The following ADK variants were observed in gnomAD, a reference collection of about 807,000 sequenced individuals.
The protein encoded by ADK is adenosine kinase.
In ADK, 24 loss-of-function variants were observed where a neutral mutation model predicts 44.7. The ratio of observed to expected loss-of-function variants is 0.54; its 90% CI spans 0.39 to 0.76. The LOEUF is 0.76. Ranked by LOEUF, ADK falls within the 30% of genes least tolerant of loss-of-function variation. The pLI is 0.00. For missense variants in ADK, 321 were observed against 425.1 expected (o/e 0.76, Z 2.15); for synonymous variants, 128 against 142.6 (o/e 0.90, Z 0.73).
At chr10:74,224,452 T>A in intron 2 of ADK, 86 bp from the exon 3 acceptor site, 1 of 995,380 alleles carries the variant, frequency 1.0e-6, no homozygotes, top group East Asian at 2.5e-5. Flanking sequence ...TATAACAGTG[T>A]TGGAGTGCTT....
intron 4 of ADK, among the ~76,000 whole-genome samples, chr10:74,334,972 G>A (rs1211076180): frequency 6.6e-6 from 1 of 152,150 alleles, no homozygotes; most frequent in Non-Finnish European, 1.5e-5. Context: ...AAGAGGGGAA[G>A]ACACTTACCA....
chr10:74,386,471 A>G (rs543970262), intron 4 of ADK, among the ~76,000 whole-genome samples: 1 of 152,322 alleles, frequency 6.6e-6, no homozygotes, highest in South Asian at 2.1e-4. Flanking sequence ...ATATTAATAG[A>G]AATCTTTCCA....
intron 6 of ADK, among the ~76,000 whole-genome samples, chr10:74,519,076 T>C (rs1848707354): frequency 6.6e-6 from 1 of 151,944 alleles, no homozygotes; most frequent in South Asian, 2.1e-4. Flanking sequence ...TGGATTTTAT[T>C]TAATCTAATA....
intron 7 of ADK, 37 bp downstream of exon 7, chr10:74,525,463 T>C (rs1444345484): frequency 6.4e-7 from 1 of 1,561,272 alleles, no homozygotes; most frequent in South Asian, 1.1e-5. Flanking sequence ...AACCTGGGGG[T>C]TTTTTGTTTG....
chr10:74,292,316 C>T (rs1839652765), intron 3 of ADK, among the ~76,000 whole-genome samples: 1 of 152,096 alleles, frequency 6.6e-6, no homozygotes, highest in Non-Finnish European at 1.5e-5. Flanking sequence ...GGTGTATAGG[C>T]CTGTTTCTGT....
intron 6 of ADK, among the ~76,000 whole-genome samples, chr10:74,417,654 C>T (rs964184636): frequency 1.3e-5 from 2 of 151,704 alleles, no homozygotes; most frequent in South Asian, 2.1e-4. Flanking sequence ...AAGGCATCAG[C>T]GAACCATATC....
chr10:74,309,890 A>G (rs751828012), intron 3 of ADK, among the ~76,000 whole-genome samples: 15 of 151,992 alleles, frequency 9.9e-5, no homozygotes, highest in East Asian at 1.9e-4. Flanking sequence ...TATGTCTTAT[A>G]TTTTGTGTTC....
intron 7 of ADK, among the ~76,000 whole-genome samples, chr10:74,554,144 T>A (rs1002358127): frequency 2.6e-5 from 4 of 152,186 alleles, no homozygotes; most frequent in African/African-American, 9.6e-5. Flanking sequence ...TGTGATAAAA[T>A]GGAAACTGAT....
At position 74,280,903 on chromosome 10, in the gene ADK, T is replaced by C. The variant is rs2132444122; in HGVS notation, c.195-33764T>C. ...TGTAGTTATTTTGTCTTTCCTAATT[T>C]AGATGCAAAATTAAGTTGTCTAGTG... is the stretch of plus-strand genomic sequence containing the variant. On this transcript the variant is annotated intron_variant, in intron 3 of 10. Transcript: ENST00000539909. 3.3e-5 allele frequency among the ~76,000 whole-genome samples: 5 copies of C among 152,336 alleles called. No individual in the cohort carries two copies. In the South Asian group the frequency reaches 1.0e-3, roughly 32 times the overall value.
chr10:74,702,709 C>A (rs1856478227), intron 10 of ADK, among the ~76,000 whole-genome samples: 2 of 151,906 alleles, frequency 1.3e-5, no homozygotes, highest in Admixed American at 1.3e-4. Context: ...AGCAGTTCTC[C>A]TGCCTCAGCC....
chr10:74,356,014 T>TTTTTTTTTTTTTTTTTTG (rs1554847186), intron 4 of ADK, among the ~76,000 whole-genome samples: 2 of 128,214 alleles, frequency 1.6e-5, no homozygotes, highest in African/African-American at 5.9e-5. Flanking sequence ...TTTTTTTTTT[T>TTTTTTTTTTTTTTTTTTG]TTTTTTTTTT....
At chr10:74,191,200 C>T (rs553351922) in intron 1 of ADK, among the ~76,000 whole-genome samples, 4 of 152,034 alleles carry the variant, frequency 2.6e-5, no homozygotes, top group South Asian at 2.1e-4. Flanking sequence ...AGGCTGGTCT[C>T]GAACTCCTGA....
chr10:74,549,647 G>A (rs1397412029), intron 7 of ADK, among the ~76,000 whole-genome samples: 1 of 151,838 alleles, frequency 6.6e-6, no homozygotes, highest in Non-Finnish European at 1.5e-5. Context: ...ATGTTGCCCA[G>A]GCTGGTTTCA....
At chr10:74,570,823 T>C (rs1031391906) in intron 7 of ADK, among the ~76,000 whole-genome samples, 5 of 152,148 alleles carry the variant, frequency 3.3e-5, no homozygotes, top group South Asian at 4.1e-4. Context: ...TCCAACACTA[T>C]GTTGAATAGG....
intron 10 of ADK, among the ~76,000 whole-genome samples, chr10:74,688,487 C>G (rs927838337): frequency 1.3e-5 from 2 of 152,166 alleles, no homozygotes; most frequent in Non-Finnish European, 2.9e-5. Context: ...CGATTTGCCC[C>G]TACCATCAAG....
chr10:74,708,201 C>G, intron 10 of ADK, 120 bp from the exon 11 acceptor site: 13 of 954,816 alleles, frequency 1.4e-5, no homozygotes, highest in East Asian at 6.2e-5. Flanking sequence ...ACAAGACTTT[C>G]TCTTACTGTC....
intron 1 of ADK, among the ~76,000 whole-genome samples, chr10:74,159,536 A>G (rs1841835927): frequency 6.6e-6 from 1 of 152,176 alleles, no homozygotes; most frequent in African/African-American, 2.4e-5. Flanking sequence ...GTTCATACTT[A>G]GAACCATTTT....
chr10:74,554,204 C>T (rs968861206), intron 7 of ADK, among the ~76,000 whole-genome samples: 2 of 152,052 alleles, frequency 1.3e-5, no homozygotes, highest in African/African-American at 2.4e-5. Flanking sequence ...TTTTTCCCTC[C>T]TGTCCTTTTT....
At chr10:74,226,863 A>G (rs1392027115) in intron 3 of ADK, among the ~76,000 whole-genome samples, 1 of 152,044 alleles carries the variant, frequency 6.6e-6, no homozygotes, top group Non-Finnish European at 1.5e-5. Flanking sequence ...GTCATTATTG[A>G]TGGTCTTGAT....
Sources: gnomAD v4.1 joint callset for allele counts (sites outside exome capture counted in the v4.1 genomes callset) on GRCh38, gnomAD v4.1.1 for gene constraint, MANE v1.5 for transcripts, NCBI Gene and HGNC (gene_info 2026-07-23, HGNC 2026-07-21) for gene names.